CEP128: variants seen among roughly 807,000 people sequenced by gnomAD.
The protein encoded by CEP128 is centrosomal protein 128.
In CEP128, 132 loss-of-function variants were observed where a neutral mutation model predicts 156.7. The observed-to-expected ratio is 0.84, with a 90% CI of 0.73 to 0.97. The LOEUF is 0.97. Ranked by LOEUF, CEP128 falls within the 50% of genes least tolerant of loss-of-function variation. The pLI, the probability that CEP128 is intolerant of heterozygous loss-of-function variation, is 0.00. For missense variants in CEP128, 1,252 were observed against 1,281.9 expected (o/e 0.98, Z 0.36); for synonymous variants, 469 against 448.9 (o/e 1.04, Z -0.57).
At chr14:80,677,293 G>A (rs575475182) in intron 19 of CEP128, among the ~76,000 whole-genome samples, 1 of 152,128 alleles carries the variant, frequency 6.6e-6, no homozygotes, top group Admixed American at 6.5e-5. Context: ...GATCACCTGA[G>A]GTCGTTAGGA....
At chr14:80,625,797 TTTTCTTTTTTCTTCCTTA>T (rs976770553) in intron 19 of CEP128, among the ~76,000 whole-genome samples, 5 of 151,816 alleles carry the variant, frequency 3.3e-5, no homozygotes, top group Admixed American at 2.6e-4. Context: ...TCTTTCCTCT[TTTTCTTTTTTCTTCCTTA>T]TTTCTTTTTT....
chr14:80,894,787 T>C, intron 8 of CEP128: 1 of 303,558 alleles, frequency 3.3e-6, no homozygotes, highest in South Asian at 2.9e-5. Context: ...TACCCTATTT[T>C]CAAAAAGATC....
chr14:80,624,960 A>T (rs556097194), intron 19 of CEP128, among the ~76,000 whole-genome samples: 1 of 152,238 alleles, frequency 6.6e-6, no homozygotes, highest in African/African-American at 2.4e-5. Context: ...TGTTGTCTAT[A>T]GTTTTGAAGT....
intron 18 of CEP128, among the ~76,000 whole-genome samples, chr14:80,744,221 G>T (rs1410833692): frequency 6.6e-6 from 1 of 152,012 alleles, no homozygotes; most frequent in Non-Finnish European, 1.5e-5. Flanking sequence ...AATAGGAAAA[G>T]AAATATTTCT....
intron 19 of CEP128, among the ~76,000 whole-genome samples, chr14:80,599,312 A>G (rs994346638): frequency 6.7e-5 from 8 of 119,966 alleles, no homozygotes; most frequent in Non-Finnish European, 1.3e-4. Context: ...TCGCTCTGTC[A>G]CCCAGGCTGG....
rs528040110 is a variant in CEP128 at position 80,677,923 on chromosome 14, C to T, written c.2806+65152G>A. 2.6e-4 allele frequency among the ~76,000 whole-genome samples: 39 copies of T among 151,812 alleles called. No individual in the cohort carries two copies. The South Asian group carries it at 8.1e-3, about 32-fold the overall frequency. On this transcript the variant is annotated intron_variant, in intron 19 of 24. Transcript: ENST00000555265. ...CTTTCACATGTTTTTGAATTATAGT[C>T]CTGAGTATAGAAAACCACAATAAAC... is the stretch of plus-strand genomic sequence containing the variant.
intron 19 of CEP128, among the ~76,000 whole-genome samples, chr14:80,621,135 C>A (rs551257921): frequency 6.6e-6 from 1 of 152,190 alleles, no homozygotes; most frequent in Admixed American, 6.5e-5. Context: ...CATATATGAC[C>A]TTCCATCATT....
At chr14:80,646,558 C>G (rs1468549739) in intron 19 of CEP128, among the ~76,000 whole-genome samples, 1 of 151,700 alleles carries the variant, frequency 6.6e-6, no homozygotes, top group South Asian at 2.1e-4. Flanking sequence ...AAATGATTTG[C>G]CTAAATCTGT....
At chr14:80,941,471 G>T in intron 1 of CEP128, 110 bp downstream of exon 1, 1 of 152,558 alleles carries the variant, frequency 6.6e-6, no homozygotes, top group Non-Finnish European at 1.5e-5. Flanking sequence ...CCCAGATCCC[G>T]CGCCGCTCTG....
Position 80,535,828 on chromosome 14 carries a change from C to A in CEP128, c.2881-4942G>T, listed in dbSNP as rs561425878. On this transcript the variant is annotated intron_variant, in intron 21 of 24. Coordinates refer to ENST00000555265, the MANE Select transcript of CEP128 (RefSeq NM_152446.5). ...GACTTACCATGTTCTAATAAACCCA[C>A]TGAATCTTGACCTCTTTATTAAAAC... Among the ~76,000 whole-genome samples, 3 of 152,322 alleles carry A rather than the reference C, an allele frequency of 2.0e-5. No homozygotes were observed. In the East Asian group the frequency reaches 5.8e-4, roughly 29 times the overall value.
At chr14:80,590,375 C>T (rs1047584795) in intron 19 of CEP128, among the ~76,000 whole-genome samples, 5 of 152,060 alleles carry the variant, frequency 3.3e-5, no homozygotes, top group African/African-American at 7.2e-5. Context: ...CAATATCTTA[C>T]TTACAGGGGG....
intron 19 of CEP128, among the ~76,000 whole-genome samples, chr14:80,710,668 T>G (rs1026721621): frequency 1.6e-4 from 24 of 152,102 alleles, no homozygotes; most frequent in Admixed American, 1.4e-3. Flanking sequence ...CCCTTTTTGT[T>G]TGATCCTACA....
At chr14:80,943,576 G>A (rs1886251624), upstream of CEP128, among the ~76,000 whole-genome samples, 1 of 152,156 alleles carries the variant, frequency 6.6e-6, no homozygotes, top group African/African-American at 2.4e-5. Flanking sequence ...GGACCAAAGG[G>A]TTAAAAATCA....
intron 13 of CEP128, among the ~76,000 whole-genome samples, chr14:80,821,341 T>C (rs1472038724): frequency 6.6e-6 from 1 of 152,224 alleles, no homozygotes; most frequent in Non-Finnish European, 1.5e-5. Flanking sequence ...TGGCTCATTA[T>C]AAAGAATACC....
intron 19 of CEP128, among the ~76,000 whole-genome samples, chr14:80,654,566 A>G (rs1212738491): frequency 6.6e-6 from 1 of 152,114 alleles, no homozygotes; most frequent in African/African-American, 2.4e-5. Context: ...TACTTCCTTC[A>G]CTTATTCAAT....
At chr14:80,728,280 A>C (rs1898095730) in intron 19 of CEP128, among the ~76,000 whole-genome samples, 1 of 152,234 alleles carries the variant, frequency 6.6e-6, no homozygotes, top group Non-Finnish European at 1.5e-5. Context: ...CAAATATCAC[A>C]TGTTCCCACT....
Position 80,954,362 on chromosome 14 carries a change from CAG to C in CEP128, c.-172+3814_-172+3815del, listed in dbSNP as rs142526423. On this transcript the variant is annotated intron_variant, in intron 2 of 7. Transcript: ENST00000555529. ...GAATAGTATTCCAATGTGGAGGTAT[CAG>C]AGTTTGTTTATCCATTATCTAGTCG... is the stretch of plus-strand genomic sequence containing the variant. 3.4e-3 allele frequency among the ~76,000 whole-genome samples: 510 copies of C among 152,136 alleles called. 6 individuals are homozygous for C. The highest frequency in any genetic ancestry group is 0.012 in the African/African-American group (494 of 41,504).
chr14:80,635,033 T>C (rs574755355), intron 19 of CEP128, among the ~76,000 whole-genome samples: 2 of 152,328 alleles, frequency 1.3e-5, no homozygotes, highest in Admixed American at 1.3e-4. Context: ...TATAACTTAG[T>C]ACAGTGTCTT....
intron 21 of CEP128, among the ~76,000 whole-genome samples, chr14:80,540,197 A>AACCC (rs1889682431): frequency 8.1e-6 from 1 of 124,192 alleles, no homozygotes; most frequent in Admixed American, 9.0e-5. Context: ...CTGTTCTTAC[A>AACCC]CCCCCCCCCC....
Sources: gnomAD v4.1 joint callset for allele counts (sites outside exome capture counted in the v4.1 genomes callset) on GRCh38, gnomAD v4.1.1 for gene constraint, MANE v1.5 for transcripts, NCBI Gene and HGNC (gene_info 2026-07-23, HGNC 2026-07-21) for gene names.